The following CUBN variants were observed in gnomAD, a reference collection of about 807,000 sequenced individuals.
CUBN encodes cubilin.
CUBN carries 282 observed loss-of-function variants against 405.3 expected under a neutral mutation model. The observed-to-expected ratio is 0.70, with a 90% CI of 0.63 to 0.77. The LOEUF is 0.77. Among genes scored for constraint, CUBN ranks in the 30% least tolerant of loss-of-function variants. The pLI is 0.00. For missense variants in CUBN, 4,514 were observed against 4,475.2 expected (o/e 1.01, Z -0.25); for synonymous variants, 1,684 against 1,617.0 (o/e 1.04, Z -0.99).
chr10:16,885,743 AG>A (rs1840793231), intron 56 of CUBN, among the ~76,000 whole-genome samples: 1 of 152,184 alleles, frequency 6.6e-6, no homozygotes, highest in Non-Finnish European at 1.5e-5. Context: ...GTGGCTTTAT[AG>A]TACAATTACT....
At chr10:17,039,080 C>G (rs1259064086) in intron 27 of CUBN, among the ~76,000 whole-genome samples, 2 of 82,204 alleles carry the variant, frequency 2.4e-5, no homozygotes, top group Admixed American at 1.1e-4. Context: ...TCTCTTTCCT[C>G]CCCCCTCTTT....
At chr10:16,963,819 G>A (rs61841468) in intron 31 of CUBN, among the ~76,000 whole-genome samples, 34,066 of 152,164 alleles carry the variant, frequency 0.22, 4,173 homozygotes, top group Non-Finnish European at 0.28. Flanking sequence ...TGTAGCGTGT[G>A]ACATGATGTA....
intron 41 of CUBN, 60 bp downstream of exon 41, chr10:16,928,097 G>A (rs765252055): frequency 2.7e-4 from 428 of 1,565,000 alleles, no homozygotes; most frequent in Non-Finnish European, 3.6e-4. Context: ...AAGAGAGAAA[G>A]AGAGAGGAAA....
intron 27 of CUBN, among the ~76,000 whole-genome samples, chr10:17,020,506 C>T (rs1025035077): frequency 2.0e-5 from 3 of 151,974 alleles, no homozygotes; most frequent in African/African-American, 7.3e-5. Flanking sequence ...AAAATAAATG[C>T]TACCTGTAAA....
At chr10:16,832,993 A>T (rs1311941915) in intron 64 of CUBN, among the ~76,000 whole-genome samples, 1 of 152,142 alleles carries the variant, frequency 6.6e-6, no homozygotes, top group Non-Finnish European at 1.5e-5. Flanking sequence ...TGGGACAGGA[A>T]GTTTCAGATC....
chr10:16,862,687 C>G (rs1840053046), intron 59 of CUBN, among the ~76,000 whole-genome samples: 1 of 152,006 alleles, frequency 6.6e-6, no homozygotes, highest in African/African-American at 2.4e-5. Flanking sequence ...TTTTATGTTC[C>G]TGGGAATGCT....
chr10:17,021,605 C>T (rs1834503600), intron 27 of CUBN, among the ~76,000 whole-genome samples: 1 of 152,196 alleles, frequency 6.6e-6, no homozygotes, highest in South Asian at 2.1e-4. Flanking sequence ...AATGTATAAT[C>T]TGGATTCAAT....
At chr10:17,025,529 A>G (rs1323175784) in intron 27 of CUBN, among the ~76,000 whole-genome samples, 3 of 152,222 alleles carry the variant, frequency 2.0e-5, no homozygotes, top group Non-Finnish European at 4.4e-5. Flanking sequence ...TAAACCACGT[A>G]AAAGGTTTGC....
At chr10:17,068,516 C>A in intron 20 of CUBN, 89 bp downstream of exon 20, 1 of 1,214,630 alleles carries the variant, frequency 8.2e-7, no homozygotes, top group Non-Finnish European at 1.2e-6. Flanking sequence ...TTTCACAGTA[C>A]AGATGATTTT....
intron 14 of CUBN, among the ~76,000 whole-genome samples, chr10:17,089,552 A>T (rs573659575): frequency 6.6e-6 from 1 of 152,272 alleles, no homozygotes; most frequent in Admixed American, 6.5e-5. Flanking sequence ...TTGAGATGCC[A>T]TTTCTTACCC....
chr10:17,099,446 G>C (rs565175909), intron 14 of CUBN, among the ~76,000 whole-genome samples: 1 of 152,294 alleles, frequency 6.6e-6, no homozygotes, highest in Non-Finnish European at 1.5e-5. Context: ...TCAGTAATTT[G>C]ATAAGGGACC....
intron 28 of CUBN, among the ~76,000 whole-genome samples, chr10:17,010,239 T>C (rs186858565): frequency 3.9e-5 from 6 of 152,362 alleles, no homozygotes; most frequent in Admixed American, 1.3e-4. Context: ...TGTCTCTAGT[T>C]AGAATCATGT....
In CUBN at chr10:17,047,482, T is replaced by G. The variant is rs749772064; in HGVS notation, c.3261A>C (p.Ala1087=). 6.2e-7 allele frequency: 1 copy of G among 1,614,068 alleles called. No individual in the cohort carries two copies. ...RITVRTGQLI[A]VHFTNFSLEE... ...CCAAGGAGAAGTTTGTGAAGTGCACTGCAATCAGTTGGCCAGTTCTCACTG... is the reference window on the plus strand; with the variant it reads ...CCAAGGAGAAGTTTGTGAAGTGCACGGCAATCAGTTGGCCAGTTCTCACTG... Residue 1087 remains alanine (A), a synonymous_variant, in exon 23 of 67, where the codon GCA becomes GCC. Coordinates refer to ENST00000377833, the MANE Select transcript of CUBN (RefSeq NM_001081.4).
chr10:16,837,921 C>T (rs1384516148), intron 62 of CUBN, among the ~76,000 whole-genome samples: 1 of 152,124 alleles, frequency 6.6e-6, no homozygotes, highest in Non-Finnish European at 1.5e-5. Flanking sequence ...CCTGAAAGTG[C>T]CATTCTGTGC....
chr10:17,058,209 G>T (rs1835434209), intron 22 of CUBN, among the ~76,000 whole-genome samples: 1 of 152,002 alleles, frequency 6.6e-6, no homozygotes, highest in African/African-American at 2.4e-5. Context: ...TTCTATATTG[G>T]TAGAAACCAG....
intron 19 of CUBN, among the ~76,000 whole-genome samples, chr10:17,069,250 T>C (rs941158552): frequency 3.3e-5 from 5 of 152,216 alleles, no homozygotes; most frequent in African/African-American, 1.2e-4. Flanking sequence ...TGATTGCATT[T>C]TGCTATTTGT....
chr10:16,842,400 T>C (rs1159349195), intron 60 of CUBN, among the ~76,000 whole-genome samples: 1 of 152,090 alleles, frequency 6.6e-6, no homozygotes, highest in African/African-American at 2.4e-5. Flanking sequence ...ATCTAATAAA[T>C]AAATAAACAA....
intron 28 of CUBN, among the ~76,000 whole-genome samples, chr10:16,991,955 G>A (rs9733534): frequency 6.6e-6 from 1 of 152,108 alleles, no homozygotes; most frequent in African/African-American, 2.4e-5. Flanking sequence ...TGTTTATTCC[G>A]GCACTATTCA....
At chr10:17,087,851 T>C (rs941333275) in intron 15 of CUBN, among the ~76,000 whole-genome samples, 3 of 152,146 alleles carry the variant, frequency 2.0e-5, no homozygotes, top group African/African-American at 7.2e-5. Flanking sequence ...TGAATCTGCA[T>C]TGAAGGAGAT....
Sources: allele counts gnomAD v4.1 joint callset (sites outside exome capture counted in the v4.1 genomes callset), GRCh38; gene constraint gnomAD v4.1.1; transcripts MANE v1.5; gene names NCBI Gene and HGNC (gene_info 2026-07-23, HGNC 2026-07-21).